The following KPNA6 variants were observed in gnomAD, a reference collection of about 807,000 sequenced individuals.
KPNA6 encodes the protein importin subunit alpha-7.
KPNA6 carries 9 observed loss-of-function variants against 72.0 expected under a neutral mutation model. That is an observed-to-expected ratio of 0.13 (90% confidence interval 0.08 to 0.22). The LOEUF (loss-of-function observed/expected upper bound fraction) is 0.22. KPNA6 is among the 10% of genes least tolerant of loss of function. KPNA6 has a pLI of 1.00. For synonymous variants in KPNA6, 219 were observed against 242.1 expected, an observed-to-expected ratio of 0.90 and a Z score of 0.89; for missense variants, 374 against 655.7, an observed-to-expected ratio of 0.57 and a Z score of 4.69.
chr1:32,125,994 A>C (rs1487528350), intron 1 of KPNA6, among the ~76,000 whole-genome samples: 1 of 151,374 alleles, frequency 6.6e-6, no homozygotes, highest in African/African-American at 2.4e-5. Flanking sequence ...AAAAAAAAAA[A>C]AAAAAAACCT....
Position 32,158,314 on chromosome 1 carries a change from G to A in KPNA6, c.379G>A (p.Asp127Asn). 1 of 1,613,720 alleles carries A rather than the reference G, an allele frequency of 6.2e-7. No individual in the cohort carries two copies. Residue 127 changes from aspartate to asparagine, a missense_variant, in exon 5 of 14, where the codon GAT (aspartate) becomes AAT (asparagine). Coordinates refer to ENST00000373625, the MANE Select transcript of KPNA6 (RefSeq NM_012316.5). ...DEVINTPRVV[D>N]RFVEFLKRNE... ...AGTTATCAACACTCCAAGAGTGGTG[G>A]ATCGGTTCGTGGAGTTTCTGAAGAG... is the stretch of plus-strand genomic sequence containing the variant.
intron 1 of KPNA6, among the ~76,000 whole-genome samples, chr1:32,150,618 A>G (rs992710602): frequency 4.6e-5 from 7 of 151,666 alleles, no homozygotes; most frequent in African/African-American, 1.5e-4. Flanking sequence ...CTTAGCATGT[A>G]TAGTACTTTT....
intron 12 of KPNA6, among the ~76,000 whole-genome samples, chr1:32,169,451 C>CTTTTTT (rs553772781): frequency 1.4e-5 from 2 of 139,986 alleles, no homozygotes; most frequent in Non-Finnish European, 1.6e-5. Flanking sequence ...CTTTTCTTTT[C>CTTTTTT]TTTTTTTTTT....
intron 1 of KPNA6, among the ~76,000 whole-genome samples, chr1:32,114,997 C>T (rs536823610): frequency 6.6e-5 from 10 of 152,244 alleles, no homozygotes; most frequent in African/African-American, 2.2e-4. Context: ...TGTGCCACCA[C>T]GCCCAGAACA....
chr1:32,159,370 C>T, intron 5 of KPNA6, 30 bp from the exon 6 acceptor site: 1 of 1,611,856 alleles, frequency 6.2e-7, no homozygotes, highest in Non-Finnish European at 8.5e-7. Context: ...CTGAAATGAC[C>T]TTTCAATCAT....
In KPNA6 at chr1:32,172,754, C is replaced by A; in HGVS notation, c.*1860C>A. The A allele has an allele frequency of 4.6e-6, 1 of 218,162 alleles. No individual in the cohort carries two copies. Among genetic ancestry groups the A allele is most frequent in the East Asian group, 9.0e-5 (1 of 11,056 alleles). The allele number at this position is 218,162 out of a possible 1,614,324, so 13.5% of individuals were successfully genotyped here. A position where few individuals can be genotyped will look rare whatever the true frequency, so the allele number is the denominator to read the frequency against. The stretch of plus-strand genomic sequence containing the variant: ...GGAGCTGAAGGCACAGTCTGCCCCA[C>A]CCCCACCTCCCCACTGTGGTTAGTC... On this transcript the variant is annotated 3_prime_UTR_variant, in exon 14 of 14. Transcript: ENST00000373625.
Position 32,156,800 on chromosome 1 carries a change from T to C in KPNA6, c.139-53T>C, listed in dbSNP as rs1046947927. On this transcript the variant is annotated intron_variant, in intron 2 of 13. Transcript: ENST00000373625. ...GCCATAATTTAACATTGGATTGTTC[T>C]TTGTTTTCTTTGGTTCAGAGAGTAC... The C allele has an allele frequency of 2.2e-6, 3 of 1,349,794 alleles. No individual in the cohort carries two copies. The African/African-American group carries it at 4.3e-5, about 19-fold the overall frequency. The allele number at this position is 1,349,794 out of a possible 1,614,324, so 83.6% of individuals were successfully genotyped here. A position where few individuals can be genotyped will look rare whatever the true frequency, so the allele number is the denominator to read the frequency against.
In KPNA6 at chr1:32,162,544, G is replaced by T; in HGVS notation, c.911+20G>T. 1.2e-6 allele frequency: 2 copies of T among 1,613,004 alleles called. No homozygotes were observed. Among genetic ancestry groups the T allele is most frequent in the Non-Finnish European group, 1.7e-6 (2 of 1,179,844 alleles). ...GCTGATGTGAGTGGTCTTAGAAGGG[G>T]TACAGGTTCTGGCTGGGCACGGTGG... On this transcript the variant is annotated intron_variant, in intron 9 of 13. Coordinates refer to ENST00000373625, the MANE Select transcript of KPNA6 (RefSeq NM_012316.5).
chr1:32,128,940 G>A (rs1365499491), intron 1 of KPNA6, among the ~76,000 whole-genome samples: 1 of 152,042 alleles, frequency 6.6e-6, no homozygotes, highest in African/African-American at 2.4e-5. Context: ...CTGGGTAAGG[G>A]TATGAAAATT....
intron 1 of KPNA6, among the ~76,000 whole-genome samples, chr1:32,140,465 C>T (rs765135970): frequency 1.2e-4 from 18 of 151,954 alleles, no homozygotes; most frequent in Admixed American, 2.6e-4. Context: ...ATGACATTTA[C>T]AATTTTCAAA....
chr1:32,147,012 C>T (rs1384402754), intron 1 of KPNA6, among the ~76,000 whole-genome samples: 3 of 151,898 alleles, frequency 2.0e-5, no homozygotes, highest in African/African-American at 4.8e-5. Flanking sequence ...CATACCACCA[C>T]GTCCGGCTAA....
intron 1 of KPNA6, among the ~76,000 whole-genome samples, chr1:32,133,868 C>T (rs1244046260): frequency 6.6e-6 from 1 of 151,542 alleles, no homozygotes. Flanking sequence ...GGTGAAACCC[C>T]GTCTCTACTA....
At chr1:32,135,515 T>A (rs557118809) in intron 1 of KPNA6, among the ~76,000 whole-genome samples, 204 of 151,234 alleles carry the variant, frequency 1.3e-3, no homozygotes, top group Non-Finnish European at 2.4e-3. Flanking sequence ...TTTTTTTTTT[T>A]AGAGGCAGGG....
intron 1 of KPNA6, among the ~76,000 whole-genome samples, chr1:32,110,739 A>C (rs1435922570): frequency 3.3e-5 from 5 of 152,158 alleles, no homozygotes; most frequent in Non-Finnish European, 7.3e-5. Flanking sequence ...TCTACTAAAA[A>C]TACAAAAATT....
chr1:32,135,114 C>G (rs1641710471), intron 1 of KPNA6, among the ~76,000 whole-genome samples: 1 of 152,066 alleles, frequency 6.6e-6, no homozygotes, highest in African/African-American at 2.4e-5. Context: ...GTCACCCAGG[C>G]TGGAGTGCAG....
chr1:32,124,395 G>T (rs1477018447), intron 1 of KPNA6, among the ~76,000 whole-genome samples: 1 of 151,516 alleles, frequency 6.6e-6, no homozygotes. Flanking sequence ...ATCTATTTGG[G>T]CTGGACAAGA....
chr1:32,158,505 T>C (rs1642184097), intron 5 of KPNA6, 144 bp downstream of exon 5: 1 of 562,698 alleles, frequency 1.8e-6, no homozygotes. Flanking sequence ...GGGGTATCCA[T>C]TTCCTCAAGC....
At position 32,170,911 on chromosome 1, in the gene KPNA6, G is replaced by A. The variant is rs778801890; in HGVS notation, c.*17G>A. ...CAGCTATAATATCTGCCTCCAGGGAGGGGAGGGGATGGGAAGCACCACCAG... is the reference window on the plus strand; with the variant it reads ...CAGCTATAATATCTGCCTCCAGGGAAGGGAGGGGATGGGAAGCACCACCAG... On this transcript the variant is annotated 3_prime_UTR_variant, in exon 14 of 14. Coordinates refer to ENST00000373625, the MANE Select transcript of KPNA6 (RefSeq NM_012316.5). The A allele has an allele frequency of 5.6e-6, 9 of 1,611,176 alleles. No homozygotes were observed. In the South Asian group the frequency reaches 9.9e-5, roughly 18 times the overall value.
intron 1 of KPNA6, among the ~76,000 whole-genome samples, chr1:32,140,907 A>G (rs957701584): frequency 6.6e-5 from 10 of 152,240 alleles, no homozygotes; most frequent in Admixed American, 5.9e-4. Context: ...ATCTTTGGTA[A>G]GAAACTGGGC....
Sources: gnomAD v4.1 joint callset for allele counts (sites outside exome capture counted in the v4.1 genomes callset) on GRCh38, gnomAD v4.1.1 for gene constraint, MANE v1.5 for transcripts, NCBI Gene and HGNC (gene_info 2026-07-23, HGNC 2026-07-21) for gene names.